Variants in CRADD observed in about 807,000 individuals in gnomAD.
CRADD encodes the protein death domain-containing protein CRADD.
In CRADD, 9 loss-of-function variants were observed where a neutral mutation model predicts 15.5. That is an observed-to-expected ratio of 0.58 (90% confidence interval 0.35 to 1.01). The LOEUF (loss-of-function observed/expected upper bound fraction) is 1.01. Ranked by LOEUF, CRADD falls within the 50% of genes least tolerant of loss-of-function variation. CRADD has a pLI of 0.02. For synonymous variants in CRADD, 118 were observed against 107.6 expected, an observed-to-expected ratio of 1.10 and a Z score of -0.60; for missense variants, 227 against 250.3, an observed-to-expected ratio of 0.91 and a Z score of 0.63.
chr12:93,811,120 C>A (rs2137008034), intron 2 of CRADD, among the ~76,000 whole-genome samples: 1 of 152,284 alleles, frequency 6.6e-6, no homozygotes, highest in African/African-American at 2.4e-5. Context: ...TCTGAAACCT[C>A]ATGCTGGGGT....
intron 2 of CRADD, among the ~76,000 whole-genome samples, chr12:93,797,244 G>A (rs1417563957): frequency 6.6e-6 from 1 of 152,176 alleles, no homozygotes; most frequent in Admixed American, 6.5e-5. Flanking sequence ...AAGAAAGAGA[G>A]GGGAGGGTGG....
At chr12:93,893,907 A>G (rs1958594091) in intron 2 of CRADD, 1 of 187,098 alleles carries the variant, frequency 5.3e-6, no homozygotes, top group East Asian at 1.1e-4. Context: ...CTCAAAAAAG[A>G]AAAAAAAAAA....
intron 2 of CRADD, among the ~76,000 whole-genome samples, chr12:93,863,593 C>A (rs1209979102): frequency 1.3e-5 from 1 of 75,328 alleles, no homozygotes. Context: ...TGTGTGGAGG[C>A]ATTTGTGTGT....
chr12:93,812,010 A>G (rs1051414497), intron 2 of CRADD, among the ~76,000 whole-genome samples: 3 of 152,216 alleles, frequency 2.0e-5, no homozygotes, highest in African/African-American at 7.2e-5. Flanking sequence ...ATACACGTTG[A>G]TAAGTGAAAG....
chr12:93,828,421 C>T (rs1215889699), intron 2 of CRADD, among the ~76,000 whole-genome samples: 2 of 152,166 alleles, frequency 1.3e-5, no homozygotes, highest in Non-Finnish European at 2.9e-5. Flanking sequence ...TGTTTTCTTC[C>T]AGACGTTCCA....
chr12:93,706,314 C>G (rs777433409), intron 2 of CRADD, among the ~76,000 whole-genome samples: 2 of 152,010 alleles, frequency 1.3e-5, no homozygotes, highest in Non-Finnish European at 1.5e-5. Flanking sequence ...TAAAATGTAC[C>G]AATGGTGAGT....
At chr12:93,823,693 G>T (rs910940100) in intron 2 of CRADD, among the ~76,000 whole-genome samples, 4 of 152,180 alleles carry the variant, frequency 2.6e-5, no homozygotes, top group African/African-American at 9.7e-5. Flanking sequence ...TAGAAGTAAG[G>T]TATTTTTCCT....
chr12:93,841,169 G>T (rs375875206), intron 2 of CRADD, among the ~76,000 whole-genome samples: 2 of 152,034 alleles, frequency 1.3e-5, no homozygotes, highest in Non-Finnish European at 2.9e-5. Flanking sequence ...TATTGCAAAC[G>T]TAGGATACAT....
intron 2 of CRADD, chr12:93,859,362 A>C (rs1020394397): frequency 2.2e-5 from 10 of 455,842 alleles, no homozygotes; most frequent in Non-Finnish European, 3.1e-5. Context: ...GGGAATCACC[A>C]ATTTTCTACC....
chr12:93,865,422 T>A (rs1958358145), intron 2 of CRADD, among the ~76,000 whole-genome samples: 1 of 150,350 alleles, frequency 6.7e-6, no homozygotes, highest in Non-Finnish European at 1.5e-5. Flanking sequence ...TTGTATACTT[T>A]ATTTATTTAT....
In CRADD at chr12:93,753,389, G is replaced by A. The variant is rs1453878207; in HGVS notation, c.298+74317G>A. Among the ~76,000 whole-genome samples, 23 of 152,194 alleles carry A rather than the reference G, an allele frequency of 1.5e-4. 1 individual carries two copies. Among genetic ancestry groups the A allele is most frequent in the Admixed American group, 1.4e-3 (21 of 15,286 alleles). On this transcript the variant is annotated intron_variant, in intron 2 of 2. Coordinates refer to ENST00000332896, the MANE Select transcript of CRADD (RefSeq NM_003805.5). The stretch of plus-strand genomic sequence containing the variant: ...CACCCCTGGCCCCTCCAAATCTCAC[G>A]TCTTCACATTTCAAAACCAATCCTG...
chr12:93,690,933 T>TC (rs1955549626), intron 2 of CRADD, among the ~76,000 whole-genome samples: 2 of 152,342 alleles, frequency 1.3e-5, no homozygotes, highest in East Asian at 3.9e-4. Flanking sequence ...TGTCAGTCTC[T>TC]TTTTTAACAG....
At chr12:93,848,953 C>T (rs999640564) in intron 2 of CRADD, 4 of 152,370 alleles carry the variant, frequency 2.6e-5, no homozygotes, top group African/African-American at 4.8e-5. Flanking sequence ...TCTGCCAGAA[C>T]GGTAACTCCA....
intron 2 of CRADD, among the ~76,000 whole-genome samples, chr12:93,709,671 C>T (rs977123345): frequency 1.3e-5 from 2 of 152,120 alleles, no homozygotes; most frequent in Non-Finnish European, 2.9e-5. Flanking sequence ...CATTGATGGG[C>T]GTTTAAGTTG....
intron 2 of CRADD, among the ~76,000 whole-genome samples, chr12:93,823,279 C>T (rs942948564): frequency 8.7e-5 from 12 of 137,444 alleles, no homozygotes; most frequent in African/African-American, 2.9e-4. Context: ...GAAACAAGAG[C>T]GAAACTCTGT....
intron 2 of CRADD, among the ~76,000 whole-genome samples, chr12:93,729,557 C>T (rs542126247): frequency 4.6e-5 from 7 of 152,036 alleles, no homozygotes; most frequent in South Asian, 2.1e-4. Context: ...GAGGCCAAGG[C>T]GGGCAGATCA....
At chr12:93,882,666 G>A (rs1293863487) in intron 2 of CRADD, among the ~76,000 whole-genome samples, 5 of 152,012 alleles carry the variant, frequency 3.3e-5, no homozygotes, top group Admixed American at 2.6e-4. Context: ...AATAAATGTG[G>A]CCTCTTTCTG....
intron 2 of CRADD, among the ~76,000 whole-genome samples, chr12:93,729,418 C>T (rs1956424552): frequency 6.6e-6 from 1 of 152,130 alleles, no homozygotes. Context: ...TATACTTAAT[C>T]TTTATTTATA....
chr12:93,715,675 G>C (rs1956149088), intron 2 of CRADD, among the ~76,000 whole-genome samples: 1 of 152,124 alleles, frequency 6.6e-6, no homozygotes, highest in South Asian at 2.1e-4. Context: ...CAAATATTTA[G>C]AGCTATATTT....
Sources: gnomAD v4.1 joint callset for allele counts (sites outside exome capture counted in the v4.1 genomes callset) on GRCh38, gnomAD v4.1.1 for gene constraint, MANE v1.5 for transcripts, NCBI Gene and HGNC (gene_info 2026-07-23, HGNC 2026-07-21) for gene names.